STXBP6: variants seen among roughly 807,000 people sequenced by gnomAD.
STXBP6 encodes syntaxin binding protein 6.
In STXBP6, 21 loss-of-function variants were observed where a neutral mutation model predicts 26.9. That is an observed-to-expected ratio of 0.78 (90% CI 0.55 to 1.12). The LOEUF (loss-of-function observed/expected upper bound fraction) is 1.12, where lower values mean the gene tolerates loss of function less well. Ranked by LOEUF, STXBP6 falls within the 50% of genes most tolerant of loss-of-function variation. The pLI is 0.00. For synonymous variants in STXBP6, 97 were observed against 92.6 expected (o/e 1.05, Z -0.27); for missense variants, 232 against 257.9 (o/e 0.90, Z 0.69).
chr14:25,017,626 A>AG (rs2075177229), intron 1 of STXBP6, among the ~76,000 whole-genome samples: 1 of 152,242 alleles, frequency 6.6e-6, no homozygotes. Flanking sequence ...CATTTGATTA[A>AG]GGGTGGCCTT....
chr14:24,863,053 A>G (rs996869600), intron 2 of STXBP6, among the ~76,000 whole-genome samples: 1 of 152,114 alleles, frequency 6.6e-6, no homozygotes, highest in African/African-American at 2.4e-5. Context: ...TCTGTTGATA[A>G]TTTTATTAAA....
At chr14:24,965,740 C>T (rs1422365521) in intron 2 of STXBP6, among the ~76,000 whole-genome samples, 9 of 152,150 alleles carry the variant, frequency 5.9e-5, no homozygotes, top group African/African-American at 1.9e-4. Flanking sequence ...AGTCTTCTGC[C>T]TAACCTGTGT....
At chr14:24,964,747 G>A (rs2073677806) in intron 2 of STXBP6, among the ~76,000 whole-genome samples, 1 of 151,256 alleles carries the variant, frequency 6.6e-6, no homozygotes. Context: ...TGAGAAGCTG[G>A]GTCCACAGGC....
At chr14:25,044,087 C>G (rs2075686011) in intron 1 of STXBP6, among the ~76,000 whole-genome samples, 1 of 142,350 alleles carries the variant, frequency 7.0e-6, no homozygotes, top group African/African-American at 2.6e-5. Context: ...GGGAGGATTG[C>G]TTGAGCCTGG....
At chr14:24,930,983 C>T (rs1234922058) in intron 2 of STXBP6, among the ~76,000 whole-genome samples, 35 of 145,000 alleles carry the variant, frequency 2.4e-4, no homozygotes, top group African/African-American at 7.8e-4. Context: ...CGGTGGCGGG[C>T]GCCTGTAGTC....
chr14:24,946,196 A>T (rs978213286), intron 2 of STXBP6, among the ~76,000 whole-genome samples: 1 of 152,184 alleles, frequency 6.6e-6, no homozygotes, highest in Admixed American at 6.5e-5. Flanking sequence ...TGTTTATGGG[A>T]TATTTTCTAT....
chr14:24,985,954 T>C lies in STXBP6; in HGVS notation c.-32-11104A>G, dbSNP rs190245846. On this transcript the variant is annotated intron_variant, in intron 1 of 5. Coordinates refer to ENST00000323944, the MANE Select transcript of STXBP6 (RefSeq NM_001394410.1). ...CAACAGAAGAGTAGCAAAACCAATATTAGGGCTAAATATTGCTCTCGACTT... is the reference window on the plus strand; with the variant it reads ...CAACAGAAGAGTAGCAAAACCAATACTAGGGCTAAATATTGCTCTCGACTT... Among the ~76,000 whole-genome samples, 241 of 152,184 alleles carry C rather than the reference T, an allele frequency of 1.6e-3. 1 individual carries two copies. The highest frequency in any genetic ancestry group is 5.1e-3 in the African/African-American group (211 of 41,506).
chr14:24,966,337 A>G (rs151197955), intron 2 of STXBP6, among the ~76,000 whole-genome samples: 2,386 of 151,640 alleles, frequency 0.016, 32 homozygotes, highest in Non-Finnish European at 0.025. Flanking sequence ...ATGTTGTCAC[A>G]TTGTTTTTAA....
At chr14:24,818,844 A>G (rs1225843857) in intron 5 of STXBP6, among the ~76,000 whole-genome samples, 193 bp downstream of exon 5, 3 of 152,224 alleles carry the variant, frequency 2.0e-5, no homozygotes, top group Non-Finnish European at 4.4e-5. Context: ...ATTAGAAAAG[A>G]GCCAAAGAAA....
At chr14:24,968,169 GAATA>G (rs904327920) in intron 2 of STXBP6, among the ~76,000 whole-genome samples, 2 of 131,472 alleles carry the variant, frequency 1.5e-5, no homozygotes, top group Non-Finnish European at 3.1e-5. Context: ...ATATAATAAA[GAATA>G]TATATATATA....
At chr14:24,914,594 C>G (rs193282977) in intron 2 of STXBP6, among the ~76,000 whole-genome samples, 138 of 152,276 alleles carry the variant, frequency 9.1e-4, no homozygotes, top group African/African-American at 3.0e-3. Context: ...ATGCAACTAT[C>G]CTGAATGCCA....
chr14:24,926,225 A>G lies in STXBP6; in HGVS notation c.154+48440T>C, dbSNP rs74040728. Among the ~76,000 whole-genome samples, 1,493 of 150,826 alleles carry G rather than the reference A, an allele frequency of 9.9e-3. 21 individuals are homozygous for G. Among genetic ancestry groups the G allele is most frequent in the African/African-American group, 0.033 (1,360 of 40,742 alleles). On this transcript the variant is annotated intron_variant, in intron 2 of 5. Transcript: ENST00000323944. ...AGCAAAGCCCTGGTGAAGAAAAGGG[A>G]AAAAAAAAGCCTTGCTAAAGGGAGC...
intron 2 of STXBP6, among the ~76,000 whole-genome samples, chr14:24,866,455 G>GTA (rs1197853383): frequency 6.6e-6 from 1 of 152,034 alleles, no homozygotes; most frequent in Non-Finnish European, 1.5e-5. Context: ...ATATGTGTGT[G>GTA]TATGTATATA....
At chr14:24,953,751 A>T (rs765989078) in intron 2 of STXBP6, among the ~76,000 whole-genome samples, 2 of 152,238 alleles carry the variant, frequency 1.3e-5, no homozygotes, top group Non-Finnish European at 2.9e-5. Context: ...TTTATAAATA[A>T]ACAAAAAACT....
chr14:24,958,477 C>T (rs1426236610), intron 2 of STXBP6, among the ~76,000 whole-genome samples: 2 of 152,060 alleles, frequency 1.3e-5, no homozygotes, highest in Non-Finnish European at 1.5e-5. Flanking sequence ...TGTATTGTGG[C>T]TCAAGATAAA....
intron 4 of STXBP6, among the ~76,000 whole-genome samples, chr14:24,836,851 AC>A (rs768416618): frequency 2.0e-5 from 3 of 152,220 alleles, no homozygotes; most frequent in Non-Finnish European, 4.4e-5. Flanking sequence ...AAGCACTTTT[AC>A]GGCAGGATAG....
chr14:24,880,094 A>G (rs1048451409), intron 2 of STXBP6, among the ~76,000 whole-genome samples: 4 of 152,186 alleles, frequency 2.6e-5, no homozygotes, highest in Non-Finnish European at 5.9e-5. Context: ...GACATTAGTT[A>G]CTGAACTGGC....
chr14:25,038,949 A>G (rs1475839166), intron 1 of STXBP6, among the ~76,000 whole-genome samples: 1 of 152,204 alleles, frequency 6.6e-6, no homozygotes, highest in Non-Finnish European at 1.5e-5. Flanking sequence ...CTACTGTACA[A>G]CACCATGATT....
At chr14:24,867,098 G>C (rs1475536692) in intron 2 of STXBP6, among the ~76,000 whole-genome samples, 2 of 152,052 alleles carry the variant, frequency 1.3e-5, no homozygotes, top group Non-Finnish European at 1.5e-5. Flanking sequence ...TAAGAGTTGG[G>C]CCCTTGAGAA....
Sources: allele counts gnomAD v4.1 joint callset (sites outside exome capture counted in the v4.1 genomes callset), GRCh38; gene constraint gnomAD v4.1.1; transcripts MANE v1.5; gene names NCBI Gene and HGNC (gene_info 2026-07-23, HGNC 2026-07-21).